The following ANO3 variants were observed in gnomAD, a reference collection of about 807,000 sequenced individuals.
ANO3 encodes anoctamin-3.
A neutral mutation model predicts 144.8 loss-of-function variants in ANO3; 99 were observed. The ratio of observed to expected loss-of-function variants is 0.68; its 90% CI spans 0.58 to 0.81. The LOEUF (loss-of-function observed/expected upper bound fraction) is 0.81. Among genes scored for constraint, ANO3 ranks in the 30% least tolerant of loss-of-function variants. ANO3 has a pLI of 0.00. For synonymous variants in ANO3, 414 were observed against 392.6 expected, an observed-to-expected ratio of 1.05 and a Z score of -0.64; for missense variants, 905 against 1,202.2, an observed-to-expected ratio of 0.75 and a Z score of 3.66.
intron 14 of ANO3, among the ~76,000 whole-genome samples, chr11:26,596,060 T>C (rs931586376): frequency 2.0e-5 from 3 of 152,212 alleles, no homozygotes; most frequent in Admixed American, 2.0e-4. Flanking sequence ...AACAAGGTAA[T>C]ATTGGAGTGT....
chr11:26,244,540 G>A (rs185889155), intron 1 of ANO3, among the ~76,000 whole-genome samples: 63 of 152,274 alleles, frequency 4.1e-4, no homozygotes, highest in Non-Finnish European at 4.7e-4. Context: ...AGGAGACTTA[G>A]AGCAGAAAAA....
chr11:26,565,064 C>T, intron 14 of ANO3: 2 of 1,189,456 alleles, frequency 1.7e-6, no homozygotes, highest in Non-Finnish European at 2.3e-6. Context: ...ATTGTGTTCT[C>T]TTCTGTTTTT....
intron 17 of ANO3, among the ~76,000 whole-genome samples, chr11:26,600,205 C>T (rs961164481): frequency 3.3e-5 from 5 of 151,432 alleles, no homozygotes; most frequent in African/African-American, 1.2e-4. Context: ...TACTGTTTCT[C>T]TCTCCCTTGT....
At chr11:26,475,544 TGA>T (rs761400188) in intron 4 of ANO3, among the ~76,000 whole-genome samples, 38 of 151,972 alleles carry the variant, frequency 2.5e-4, no homozygotes, top group Non-Finnish European at 4.9e-4. Flanking sequence ...TGAACCATCT[TGA>T]GAGAAATACA....
intron 3 of ANO3, among the ~76,000 whole-genome samples, chr11:26,449,426 C>G (rs1858829333): frequency 6.6e-6 from 1 of 151,958 alleles, no homozygotes; most frequent in Non-Finnish European, 1.5e-5. Flanking sequence ...AGGATTAGGA[C>G]AGACAAATGG....
At chr11:26,189,139 G>A (rs1851428363) in exon 1 of ANO3, 3 of 941,766 alleles carry the variant, frequency 3.2e-6, no homozygotes, top group South Asian at 9.8e-5. Context: ...ATTCAATAGT[G>A]TGAACTTTAC....
In ANO3 at chr11:26,339,152, CT is replaced by C. The variant is rs983569207; in HGVS notation, c.46+6844del. ...CAGCCCTCCCTGACTCCAAAGTCCA[CT>C]TTTTTTTTTTTTCTTTTTTTGATGG... On this transcript the variant is annotated intron_variant, in intron 1 of 26. Coordinates refer to ENST00000256737, the MANE Select transcript of ANO3 (RefSeq NM_031418.4). Among the ~76,000 whole-genome samples, 280 of 144,914 alleles carry C rather than the reference CT, an allele frequency of 1.9e-3. 3 individuals carry two copies. The highest frequency in any genetic ancestry group is 4.4e-3 in the African/African-American group (176 of 39,840).
At chr11:26,469,037 A>C (rs1859690143) in intron 4 of ANO3, among the ~76,000 whole-genome samples, 1 of 151,932 alleles carries the variant, frequency 6.6e-6, no homozygotes, top group Non-Finnish European at 1.5e-5. Context: ...AACATTAAGA[A>C]GTCTCCTTTT....
intron 1 of ANO3, among the ~76,000 whole-genome samples, chr11:26,402,945 CA>C (rs60883427): frequency 0.055 from 8,366 of 151,986 alleles, 271 homozygotes; most frequent in African/African-American, 0.09. Context: ...ATCAATTCGC[CA>C]GCTCACCCAT....
chr11:26,266,092 T>G lies in ANO3; in HGVS notation c.155-43553T>G, dbSNP rs868205034. On this transcript the variant is annotated intron_variant, in intron 1 of 27. Coordinates refer to the ANO3 transcript ENST00000672621. The stretch of plus-strand genomic sequence containing the variant: ...AATGAAATTCATTACCCAATACAAT[T>G]TTCTAACTAGATATTTACGCCAGAA... Among the ~76,000 whole-genome samples the G allele has an allele frequency of 2.0e-5, 3 of 152,242 alleles. No individual in the cohort carries two copies. In the Middle Eastern group the frequency reaches 0.01, roughly 518 times the overall value.
chr11:26,587,558 C>T (rs1357181717), intron 14 of ANO3, among the ~76,000 whole-genome samples: 1 of 152,194 alleles, frequency 6.6e-6, no homozygotes, highest in Non-Finnish European at 1.5e-5. Context: ...AGGTTTGCAA[C>T]CACCCTGGAA....
At chr11:26,450,927 G>T (rs1248629355) in intron 3 of ANO3, among the ~76,000 whole-genome samples, 1 of 152,176 alleles carries the variant, frequency 6.6e-6, no homozygotes, top group Non-Finnish European at 1.5e-5. Flanking sequence ...ATAGCTGTAA[G>T]GTTTATGTTG....
chr11:26,373,230 T>C (rs950470177), intron 1 of ANO3, among the ~76,000 whole-genome samples: 15 of 152,194 alleles, frequency 9.9e-5, no homozygotes, highest in African/African-American at 3.6e-4. Context: ...TCTCAAATTG[T>C]AATCCCTATA....
chr11:26,425,885 A>T (rs888970070), intron 1 of ANO3, among the ~76,000 whole-genome samples: 1 of 152,052 alleles, frequency 6.6e-6, no homozygotes, highest in African/African-American at 2.4e-5. Flanking sequence ...GGAGTTTTCA[A>T]TTGGTTAATG....
At chr11:26,410,127 C>T (rs886454364) in intron 1 of ANO3, among the ~76,000 whole-genome samples, 2 of 151,812 alleles carry the variant, frequency 1.3e-5, no homozygotes, top group South Asian at 4.1e-4. Flanking sequence ...AACAGTCACT[C>T]GATAAGTATG....
At chr11:26,202,963 T>C (rs991370068) in intron 1 of ANO3, among the ~76,000 whole-genome samples, 17 of 152,110 alleles carry the variant, frequency 1.1e-4, no homozygotes, top group African/African-American at 3.9e-4. Context: ...TGAGTACTAA[T>C]GGAGCTGGAC....
At chr11:26,443,366 C>A (rs1858591425) in intron 2 of ANO3, among the ~76,000 whole-genome samples, 1 of 152,056 alleles carries the variant, frequency 6.6e-6, no homozygotes, top group Non-Finnish European at 1.5e-5. Context: ...CTTTGGGAGG[C>A]CAAAGTGGGC....
chr11:26,515,345 T>A (rs1861822291), intron 5 of ANO3, among the ~76,000 whole-genome samples: 1 of 7,284 alleles, frequency 1.4e-4, no homozygotes, highest in Non-Finnish European at 3.9e-4. Context: ...GCTTGGATAT[T>A]TTTTTAGCAA....
intron 14 of ANO3, among the ~76,000 whole-genome samples, chr11:26,595,422 G>A (rs936453482): frequency 6.9e-6 from 1 of 144,814 alleles, no homozygotes; most frequent in East Asian, 2.1e-4. Context: ...TTTGGAGAGG[G>A]TGTAGGTAAA....
Sources: gnomAD v4.1 joint callset for allele counts (sites outside exome capture counted in the v4.1 genomes callset) on GRCh38, gnomAD v4.1.1 for gene constraint, MANE v1.5 for transcripts, NCBI Gene and HGNC (gene_info 2026-07-23, HGNC 2026-07-21) for gene names.